Variants in RYR3 observed in about 807,000 individuals in gnomAD.
RYR3 encodes ryanodine receptor 3, also known as brain ryanodine receptor-calcium release channel.
A neutral mutation model predicts 584.3 loss-of-function variants in RYR3; 207 were observed. The observed-to-expected ratio is 0.35, with a 90% CI of 0.32 to 0.40. The LOEUF (loss-of-function observed/expected upper bound fraction) is 0.40, where lower values mean the gene tolerates loss of function less well. RYR3 is among the 10% of genes least tolerant of loss of function. The pLI, the probability that RYR3 is intolerant of heterozygous loss-of-function variation, is 1.00. For synonymous variants in RYR3, 2,416 were observed against 2,248.5 expected, an observed-to-expected ratio of 1.07 and a Z score of -2.11; for missense variants, 5,616 against 6,089.2, an observed-to-expected ratio of 0.92 and a Z score of 2.59.
intron 12 of RYR3, among the ~76,000 whole-genome samples, chr15:33,567,275 G>A (rs748018234): frequency 1.2e-4 from 18 of 152,142 alleles, no homozygotes; most frequent in Non-Finnish European, 2.2e-4. Context: ...GAAAATTAAC[G>A]GAACTGTCTG....
chr15:33,865,287 T>TCC lies in RYR3; in HGVS notation c.*61_*62insCC. 8.4e-7 allele frequency: 1 copy of TCC among 1,192,490 alleles called. No individual in the cohort carries two copies. The highest frequency in any genetic ancestry group is 1.2e-6 in the Non-Finnish European group (1 of 811,950). The allele number at this position is 1,192,490 out of a possible 1,614,324, so 73.9% of individuals were successfully genotyped here. On this transcript the variant is annotated 3_prime_UTR_variant, in exon 104 of 104. Coordinates refer to ENST00000634891, the MANE Select transcript of RYR3 (RefSeq NM_001036.6). Reference sequence around the variant, plus strand: ...CAACTTCCCATGAAATAAAGTCCCCTTTTTACAGTTCTGCAACATATCTGA... The same window carrying TCC: ...CAACTTCCCATGAAATAAAGTCCCCTCCTTTTACAGTTCTGCAACATATCTGA...
chr15:33,362,009 C>A (rs1974833929), intron 1 of RYR3, among the ~76,000 whole-genome samples: 1 of 152,200 alleles, frequency 6.6e-6, no homozygotes, highest in Admixed American at 6.5e-5. Flanking sequence ...TAAGTTGCCG[C>A]ATTCCCAAGG....
At chr15:33,758,119 G>A (rs2115749) in intron 60 of RYR3, among the ~76,000 whole-genome samples, 74,831 of 151,976 alleles carry the variant, frequency 0.49, 19,239 homozygotes, top group African/African-American at 0.65. Context: ...CCCAGATACT[G>A]TGCTCTTCCC....
At chr15:33,802,717 T>C (rs1253963137) in intron 69 of RYR3, among the ~76,000 whole-genome samples, 1 of 152,206 alleles carries the variant, frequency 6.6e-6, no homozygotes, top group Non-Finnish European at 1.5e-5. Context: ...AAATGTGATG[T>C]TTTGTTACCA....
chr15:33,683,652 A>G (rs770013550), intron 38 of RYR3, among the ~76,000 whole-genome samples: 6 of 152,234 alleles, frequency 3.9e-5, no homozygotes, highest in Admixed American at 1.3e-4. Flanking sequence ...CGTGCAGCCC[A>G]TGGAGGGTGA....
At chr15:33,318,582 C>A (rs555669326) in intron 1 of RYR3, among the ~76,000 whole-genome samples, 1 of 152,132 alleles carries the variant, frequency 6.6e-6, no homozygotes, top group Non-Finnish European at 1.5e-5. Flanking sequence ...GCTTGGGGAA[C>A]CTTGAGTAGG....
chr15:33,703,388 GC>G (rs137892576), intron 42 of RYR3, among the ~76,000 whole-genome samples: 4,070 of 152,296 alleles, frequency 0.027, 83 homozygotes, highest in East Asian at 0.071. Flanking sequence ...AGTTCTGGAA[GC>G]TGGAAGTCCA....
chr15:33,755,217 T>C (rs576577348), intron 58 of RYR3, 37 bp downstream of exon 58: 1 of 1,128,546 alleles, frequency 8.9e-7, no homozygotes, highest in South Asian at 1.3e-5. Flanking sequence ...AAGAATTCAA[T>C]ATTCTTTTAT....
At chr15:33,383,493 A>G (rs537491818) in intron 1 of RYR3, among the ~76,000 whole-genome samples, 1 of 151,976 alleles carries the variant, frequency 6.6e-6, no homozygotes, top group East Asian at 1.9e-4. Flanking sequence ...CATGGGGTCC[A>G]CAATACCTGA....
chr15:33,853,514 T>C, intron 95 of RYR3, 41 bp from the exon 96 acceptor site: 1 of 1,599,190 alleles, frequency 6.3e-7, no homozygotes, highest in Admixed American at 1.7e-5. Context: ...TATTTGGTGG[T>C]GGCGTGTGGC....
chr15:33,848,492 C>G (rs897578186), intron 94 of RYR3, 71 bp downstream of exon 94: 140 of 1,515,720 alleles, frequency 9.2e-5, no homozygotes, highest in Non-Finnish European at 1.1e-4. Context: ...CTCTTTCCTC[C>G]TGGCCTTAAA....
At chr15:33,667,481 C>G (rs2063548799) in intron 36 of RYR3, among the ~76,000 whole-genome samples, 1 of 152,128 alleles carries the variant, frequency 6.6e-6, no homozygotes, top group African/African-American at 2.4e-5. Flanking sequence ...TGTCACATTA[C>G]AGTGGTTACG....
At chr15:33,489,854 C>T (rs1192877634) in intron 2 of RYR3, among the ~76,000 whole-genome samples, 4 of 152,168 alleles carry the variant, frequency 2.6e-5, no homozygotes, top group Non-Finnish European at 5.9e-5. Flanking sequence ...TGCACCCTCA[C>T]CAGCATCTGT....
chr15:33,583,770 C>T (rs1006377289), intron 14 of RYR3, among the ~76,000 whole-genome samples: 9 of 151,950 alleles, frequency 5.9e-5, no homozygotes, highest in African/African-American at 1.9e-4. Flanking sequence ...AAAATATTTA[C>T]GCCAGGCATG....
At chr15:33,337,556 C>G (rs1971265932) in intron 1 of RYR3, among the ~76,000 whole-genome samples, 5 of 90,932 alleles carry the variant, frequency 5.5e-5, no homozygotes, top group Admixed American at 5.5e-4. Flanking sequence ...AATTACAATC[C>G]AAGTGCCATT....
chr15:33,566,686 C>G lies in RYR3; in HGVS notation c.1155C>G (p.Leu385=). The G allele has an allele frequency of 3.7e-6, 6 of 1,613,670 alleles. No individual in the cohort carries two copies. Among genetic ancestry groups the G allele is most frequent in the Non-Finnish European group, 5.1e-6 (6 of 1,179,664 alleles). The change falls in exon 12 of 104, where the codon CTC becomes CTG. Residue 385 remains leucine (L), a synonymous_variant. Transcript: ENST00000634891. ...CCTTGCCCTGTGGGTAGGTCATACT[C>G]CATCAGGAAGGCCACATGGATGATG... is the stretch of plus-strand genomic sequence containing the variant. The part of the protein sequence containing the change: ...RLGPLKRKVI[L]HQEGHMDDGL...
intron 10 of RYR3, among the ~76,000 whole-genome samples, chr15:33,552,362 T>A (rs140169340): frequency 7.8e-4 from 119 of 152,262 alleles, no homozygotes; most frequent in African/African-American, 2.8e-3. Context: ...AAAGGGTCCA[T>A]TGCTCATCTC....
intron 49 of RYR3, among the ~76,000 whole-genome samples, chr15:33,737,649 A>G (rs1326604929): frequency 6.6e-6 from 1 of 152,222 alleles, no homozygotes; most frequent in Non-Finnish European, 1.5e-5. Context: ...ACTCTCTAGC[A>G]GCCCCAGTTT....
chr15:33,815,992 T>C (rs994730557), intron 74 of RYR3: 7 of 397,834 alleles, frequency 1.8e-5, no homozygotes, highest in African/African-American at 1.4e-4. Context: ...TTATTGACCA[T>C]GATTTAACGT....
Sources: allele counts gnomAD v4.1 joint callset (sites outside exome capture counted in the v4.1 genomes callset), GRCh38; gene constraint gnomAD v4.1.1; transcripts MANE v1.5; gene names NCBI Gene and HGNC (gene_info 2026-07-23, HGNC 2026-07-21).